HS6ST3: variants seen among roughly 807,000 people sequenced by gnomAD.
HS6ST3 encodes the protein heparan sulfate 6-O-sulfotransferase 3.
Under a neutral mutation model 36.7 loss-of-function variants are expected in HS6ST3, and 12 were observed. That is an observed-to-expected ratio of 0.33 (90% CI 0.21 to 0.53). The LOEUF (loss-of-function observed/expected upper bound fraction) is 0.53. Among genes scored for constraint, HS6ST3 ranks in the 20% least tolerant of loss-of-function variants. The pLI, the probability that HS6ST3 is intolerant of heterozygous loss-of-function variation, is 0.95. For synonymous variants in HS6ST3, 240 were observed against 257.5 expected (o/e 0.93, Z 0.65); for missense variants, 584 against 640.9 (o/e 0.91, Z 0.96).
At chr13:96,248,370 T>C (rs1012531579) in intron 1 of HS6ST3, among the ~76,000 whole-genome samples, 1 of 152,194 alleles carries the variant, frequency 6.6e-6, no homozygotes, top group Non-Finnish European at 1.5e-5. Context: ...AGTTCACTTC[T>C]GCCAAGAGCC....
chr13:96,094,711 G>A (rs1451518733), intron 1 of HS6ST3, among the ~76,000 whole-genome samples: 2 of 152,160 alleles, frequency 1.3e-5, no homozygotes, highest in African/African-American at 4.8e-5. Context: ...GCCATCATAT[G>A]GATTATGTGG....
intron 1 of HS6ST3, among the ~76,000 whole-genome samples, chr13:96,155,589 A>AT (rs11323357): frequency 6.6e-6 from 1 of 151,934 alleles, no homozygotes; most frequent in Non-Finnish European, 1.5e-5. Flanking sequence ...AAGGTTAAGG[A>AT]TTTTTTTTTA....
At chr13:96,570,713 G>A (rs1017596154) in intron 1 of HS6ST3, among the ~76,000 whole-genome samples, 27 of 152,184 alleles carry the variant, frequency 1.8e-4, no homozygotes, top group South Asian at 2.1e-4. Context: ...AGTAAAGTAC[G>A]GGTGACCAAA....
At chr13:96,543,952 GAT>G (rs10646361) in intron 1 of HS6ST3, among the ~76,000 whole-genome samples, 2,406 of 145,518 alleles carry the variant, frequency 0.017, 56 homozygotes, top group African/African-American at 0.054. Context: ...ATGATGGGGA[GAT>G]ATATATATAT....
chr13:96,464,353 T>C (rs887115215), intron 1 of HS6ST3, among the ~76,000 whole-genome samples: 2 of 151,986 alleles, frequency 1.3e-5, no homozygotes, highest in Non-Finnish European at 2.9e-5. Flanking sequence ...CCCATGTCCT[T>C]GGCTGCGGCA....
At chr13:96,418,723 C>T (rs945205447) in intron 1 of HS6ST3, among the ~76,000 whole-genome samples, 6 of 152,118 alleles carry the variant, frequency 3.9e-5, no homozygotes, top group African/African-American at 1.2e-4. Context: ...GAGAGGAGGC[C>T]GGCAGTAACA....
At chr13:96,693,193 TA>T (rs1390606332) in intron 1 of HS6ST3, among the ~76,000 whole-genome samples, 1 of 152,128 alleles carries the variant, frequency 6.6e-6, no homozygotes, top group Non-Finnish European at 1.5e-5. Flanking sequence ...CTGTTTTTAA[TA>T]AAAACATAGA....
chr13:96,721,949 T>G (rs536410887), intron 1 of HS6ST3, among the ~76,000 whole-genome samples: 1 of 152,282 alleles, frequency 6.6e-6, no homozygotes, highest in African/African-American at 2.4e-5. Context: ...ATTTAACATT[T>G]AAGTAAGAGA....
intron 1 of HS6ST3, among the ~76,000 whole-genome samples, chr13:96,742,014 T>G (rs1359732356): frequency 6.6e-6 from 1 of 152,156 alleles, no homozygotes; most frequent in African/African-American, 2.4e-5. Flanking sequence ...CAAGCCAGAT[T>G]AGGCTTTGTC....
At chr13:96,799,948 A>ATATATATATATGTG (rs1566456742) in intron 1 of HS6ST3, among the ~76,000 whole-genome samples, 1 of 101,248 alleles carries the variant, frequency 9.9e-6, no homozygotes, top group Non-Finnish European at 1.9e-5. Flanking sequence ...GTGTGTGTAT[A>ATATATATATATGTG]TATATATATA....
intron 1 of HS6ST3, among the ~76,000 whole-genome samples, chr13:96,351,473 G>A (rs374995337): frequency 4.5e-4 from 69 of 151,994 alleles, no homozygotes; most frequent in African/African-American, 1.5e-3. Context: ...CACCACATCT[G>A]GCAAATTTTT....
At chr13:96,239,701 G>A (rs1319520646) in intron 1 of HS6ST3, among the ~76,000 whole-genome samples, 1 of 152,070 alleles carries the variant, frequency 6.6e-6, no homozygotes, top group African/African-American at 2.4e-5. Flanking sequence ...TAAAAGGCAA[G>A]GCAGACACAA....
intron 1 of HS6ST3, among the ~76,000 whole-genome samples, chr13:96,300,802 T>A (rs557628993): frequency 8.5e-5 from 13 of 152,280 alleles, no homozygotes; most frequent in African/African-American, 3.1e-4. Flanking sequence ...AATGTATAGT[T>A]TAATTTACTT....
intron 1 of HS6ST3, among the ~76,000 whole-genome samples, chr13:96,317,893 T>TG (rs1238571929): frequency 6.6e-6 from 1 of 151,912 alleles, no homozygotes; most frequent in African/African-American, 2.4e-5. Context: ...TGTCATTTGT[T>TG]GGGGGGAGTT....
chr13:96,596,540 C>T (rs114321382), intron 1 of HS6ST3, among the ~76,000 whole-genome samples: 1,908 of 152,142 alleles, frequency 0.013, 42 homozygotes, highest in African/African-American at 0.044. Context: ...ATCTTCATAC[C>T]GGTTTCCATA....
chr13:96,528,980 A>T (rs1366171923), intron 1 of HS6ST3, among the ~76,000 whole-genome samples: 2 of 152,176 alleles, frequency 1.3e-5, no homozygotes, highest in Non-Finnish European at 2.9e-5. Context: ...TTTTCATAAA[A>T]ATATGTTCTT....
intron 1 of HS6ST3, among the ~76,000 whole-genome samples, chr13:96,599,232 AT>A (rs1368502123): frequency 6.6e-6 from 1 of 152,008 alleles, no homozygotes; most frequent in Non-Finnish European, 1.5e-5. Flanking sequence ...TCTTCTTTGA[AT>A]ATCTGGTAGA....
intron 1 of HS6ST3, among the ~76,000 whole-genome samples, chr13:96,576,727 AG>A (rs1468010117): frequency 6.6e-6 from 1 of 151,994 alleles, no homozygotes. Context: ...AGATCACCTG[AG>A]GTCAGGAGTT....
At chr13:96,729,814 CT>C (rs1876100783) in intron 1 of HS6ST3, among the ~76,000 whole-genome samples, 1 of 152,158 alleles carries the variant, frequency 6.6e-6, no homozygotes, top group South Asian at 2.1e-4. Flanking sequence ...TTAAAAATAA[CT>C]TACACTTTCT....
Sources: gnomAD v4.1 joint callset for allele counts (sites outside exome capture counted in the v4.1 genomes callset) on GRCh38, gnomAD v4.1.1 for gene constraint, MANE v1.5 for transcripts, NCBI Gene and HGNC (gene_info 2026-07-23, HGNC 2026-07-21) for gene names.